OR7D4: variants seen among roughly 807,000 people sequenced by gnomAD.
OR7D4 encodes the protein olfactory receptor family 7 subfamily D member 4.
For missense variants in OR7D4, 319 were observed against 377.1 expected, an observed-to-expected ratio of 0.85 and a Z score of 1.27; for synonymous variants, 154 against 158.4, an observed-to-expected ratio of 0.97 and a Z score of 0.21.
intron 1 of OR7D4, among the ~76,000 whole-genome samples, chr19:9,217,364 T>A (rs1180165323): frequency 2.6e-5 from 4 of 152,044 alleles, no homozygotes; most frequent in Admixed American, 6.6e-5. Context: ...TGAAAAAAAA[T>A]TTGCATTTTT....
rs959442508 is a variant in OR7D4 at position 9,212,018 on chromosome 19, T to C, written c.*1881A>G. On this transcript the variant is annotated 3_prime_UTR_variant, in exon 2 of 2. Transcript: ENST00000641669. ...CTTCAATGGTCATTCACTTTTCTCC[T>C]CTTCTACTTTTATTTTTCTTTAAAA... 1.3e-5 allele frequency: 2 copies of C among 152,192 alleles called. No individual in the cohort carries two copies. The highest frequency in any genetic ancestry group is 4.8e-5 in the African/African-American group (2 of 41,458). 9.4% of individuals were successfully genotyped at this position (152,192 alleles called of 1,614,324 possible). A position where few individuals can be genotyped will look rare whatever the true frequency, so the allele number is the denominator to read the frequency against.
In OR7D4 at chr19:9,213,550, C is replaced by G. The variant is rs1467198030; in HGVS notation, c.*349G>C. 4.1e-6 allele frequency: 1 copy of G among 243,752 alleles called. No individual in the cohort carries two copies. The highest frequency in any genetic ancestry group is 8.0e-6 in the Non-Finnish European group (1 of 125,426). The allele number at this position is 243,752 out of a possible 1,614,324, so 15.1% of individuals were successfully genotyped here. Reference sequence around the variant, plus strand: ...GTCAGGAGTTCCAGACCAGCCTGAACAGTATGGTGGAACCCTGTCTCTACT... The same window carrying G: ...GTCAGGAGTTCCAGACCAGCCTGAAGAGTATGGTGGAACCCTGTCTCTACT... On this transcript the variant is annotated 3_prime_UTR_variant, in exon 2 of 2. Coordinates refer to ENST00000641669, the MANE Select transcript of OR7D4 (RefSeq NM_001005191.3).
In OR7D4 at chr19:9,210,689, C is replaced by CACACACACAT. The variant is rs1299966979; in HGVS notation, c.*3209_*3210insATGTGTGTGT. The CACACACACAT allele has an allele frequency of 7.3e-5, 11 of 150,664 alleles. No homozygotes were observed. The highest frequency in any genetic ancestry group is 2.7e-4 in the African/African-American group (11 of 41,270). 9.3% of individuals were successfully genotyped at this position (150,664 alleles called of 1,614,324 possible). ...TTAAAGAATTTACTAGGTGATCTCA[C>CACACACACAT]ACACACACACACACACACAACACAC... On this transcript the variant is annotated 3_prime_UTR_variant, in exon 2 of 2. Transcript: ENST00000641669.
rs747716273 is a variant in OR7D4 at position 9,213,864 on chromosome 19, G to C, written c.*35C>G. On this transcript the variant is annotated 3_prime_UTR_variant, in exon 2 of 2. Transcript: ENST00000641669. ...CCCACAACATTTGCCTTAGGGGTAC[G>C]CAGTGTGTCCTCTTAGTTCTGAGGC... The C allele has an allele frequency of 1.4e-6, 2 of 1,446,860 alleles. No homozygotes were observed. Among genetic ancestry groups the C allele is most frequent in the Non-Finnish European group, 1.9e-6 (2 of 1,034,118 alleles). 89.6% of individuals were successfully genotyped at this position (1,446,860 alleles called of 1,614,324 possible).
At chr19:9,215,337 G>A (rs573910724) in intron 1 of OR7D4, among the ~76,000 whole-genome samples, 14 of 62,998 alleles carry the variant, frequency 2.2e-4, no homozygotes, top group Middle Eastern at 0.028. Flanking sequence ...GTGAGACTCC[G>A]TCTCAAAAAA....
At position 9,214,298 on chromosome 19, in the gene OR7D4, T is replaced by A. The variant is rs903622825; in HGVS notation, c.540A>T (p.Glu180Asp). The change falls in exon 2 of 2, where the codon GAA becomes GAT. Residue 180 changes from glutamate to aspartate, a missense_variant. Coordinates refer to ENST00000641669, the MANE Select transcript of OR7D4 (RefSeq NM_001005191.3). Reference protein sequence around the residue: ...TGTEIPHFFCEPAQVLKVACS... With the variant: ...TGTEIPHFFCDPAQVLKVACS... ...AGGCCACCTTGAGGACCTGAGCCGGTTCACAGAAGAAATGCGGAATCTCAG... is the reference window on the plus strand; with the variant it reads ...AGGCCACCTTGAGGACCTGAGCCGGATCACAGAAGAAATGCGGAATCTCAG... 1.9e-6 allele frequency: 3 copies of A among 1,614,068 alleles called. No homozygotes were observed. The highest frequency in any genetic ancestry group is 2.7e-5 in the African/African-American group (2 of 75,006).
Position 9,210,616 on chromosome 19 carries a change from C to T in OR7D4, c.*3283G>A, listed in dbSNP as rs2051167128. On this transcript the variant is annotated 3_prime_UTR_variant, in exon 2 of 2. Transcript: ENST00000641669. The stretch of plus-strand genomic sequence containing the variant: ...AAAAACTCCATAACTTCCATACAAC[C>T]TATTTTATCTACTTGAATAAAGACA... The T allele has an allele frequency of 6.6e-6, 1 of 152,066 alleles. No homozygotes were observed. Among genetic ancestry groups the T allele is most frequent in the Admixed American group, 6.6e-5 (1 of 15,256 alleles). 9.4% of individuals were successfully genotyped at this position (152,066 alleles called of 1,614,324 possible).
chr19:9,214,737 A>C lies in OR7D4; in HGVS notation c.101T>G (p.Met34Arg). The C allele has an allele frequency of 1.2e-6, 2 of 1,614,086 alleles. No homozygotes were observed. Among genetic ancestry groups the C allele is most frequent in the Non-Finnish European group, 1.7e-6 (2 of 1,179,950 alleles). The change falls in exon 2 of 2, where the codon ATG becomes AGG. Residue 34 changes from methionine to arginine, a missense_variant. Physicochemically the swap from Met to Arg is moderately conservative, Grantham distance 91. Transcript: ENST00000641669. ...GTTCCCCAGCACCGTGACCAGGTAC[A>C]TGGACAGGAACAGCCCAAAGAGGAC... ...QPVLFGLFLS[M>R]YLVTVLGNLL...
Position 9,212,397 on chromosome 19 carries a change from A to G in OR7D4, c.*1502T>C, listed in dbSNP as rs1166864853. 1 of 152,214 alleles carries G rather than the reference A, an allele frequency of 6.6e-6. No homozygotes were observed. Among genetic ancestry groups the G allele is most frequent in the African/African-American group, 2.4e-5 (1 of 41,456 alleles). The allele number at this position is 152,214 out of a possible 1,614,324, so 9.4% of individuals were successfully genotyped here. On this transcript the variant is annotated 3_prime_UTR_variant, in exon 2 of 2. Transcript: ENST00000641669. ...AATAAACAGAAAATACTGGCTACCA[A>G]ATTTGCAGGATGCAAATTAGGATTA...
At chr19:9,217,602 T>C (rs1273475150) in intron 1 of OR7D4, among the ~76,000 whole-genome samples, 1 of 152,088 alleles carries the variant, frequency 6.6e-6, no homozygotes, top group African/African-American at 2.4e-5. Flanking sequence ...ATAGTGGTGC[T>C]ATCTCTGTTC....
intron 1 of OR7D4, among the ~76,000 whole-genome samples, chr19:9,216,221 C>T (rs8100858): frequency 0.14 from 20,556 of 152,178 alleles, 2,135 homozygotes; most frequent in African/African-American, 0.27. Flanking sequence ...TCATGAACTC[C>T]TGCCTCTGTG....
At position 9,219,505 on chromosome 19, in the gene OR7D4, T is replaced by C. The variant is rs2051240276; in HGVS notation, c.-319A>G. On this transcript the variant is annotated 5_prime_UTR_variant, in exon 1 of 2. Coordinates refer to ENST00000641669, the MANE Select transcript of OR7D4 (RefSeq NM_001005191.3). ...TTATTCTCTCTCCTCTTTTCCTTCTTACCCCACCAGCCCTCACTGGGTCAC... is the reference window on the plus strand; with the variant it reads ...TTATTCTCTCTCCTCTTTTCCTTCTCACCCCACCAGCCCTCACTGGGTCAC... The C allele has an allele frequency of 6.6e-6, 1 of 152,236 alleles. No individual in the cohort carries two copies. The highest frequency in any genetic ancestry group is 1.5e-5 in the Non-Finnish European group (1 of 68,070). 9.4% of individuals were successfully genotyped at this position (152,236 alleles called of 1,614,324 possible). A position where few individuals can be genotyped will look rare whatever the true frequency, so the allele number is the denominator to read the frequency against.
Position 9,213,689 on chromosome 19 carries a change from G to A in OR7D4, c.*210C>T. Reference sequence around the variant, plus strand: ...GGAGGTAGAGGTTGCAGTGAGCCAAGATTGCACCACTGCACTCTAGCCTGG... The same window carrying A: ...GGAGGTAGAGGTTGCAGTGAGCCAAAATTGCACCACTGCACTCTAGCCTGG... On this transcript the variant is annotated 3_prime_UTR_variant, in exon 2 of 2. Transcript: ENST00000641669. 1 of 541,768 alleles carries A rather than the reference G, an allele frequency of 1.8e-6. No individual in the cohort carries two copies. Among genetic ancestry groups the A allele is most frequent in the Non-Finnish European group, 3.3e-6 (1 of 303,610 alleles). 33.6% of individuals were successfully genotyped at this position (541,768 alleles called of 1,614,324 possible). A position where few individuals can be genotyped will look rare whatever the true frequency, so the allele number is the denominator to read the frequency against.
rs1225010468 is a variant in OR7D4, at chr19:9,213,271, T to C, written c.*628A>G. ...CTTGATATTGGGAGTGCCATACACA[T>C]CAAATTAGAAGTCTCAGAAAGAGTG... On this transcript the variant is annotated 3_prime_UTR_variant, in exon 2 of 2. Coordinates refer to ENST00000641669, the MANE Select transcript of OR7D4 (RefSeq NM_001005191.3). 1 of 152,114 alleles carries C rather than the reference T, an allele frequency of 6.6e-6. No homozygotes were observed. Among genetic ancestry groups the C allele is most frequent in the Non-Finnish European group, 1.5e-5 (1 of 68,168 alleles). The allele number at this position is 152,114 out of a possible 1,614,324, so 9.4% of individuals were successfully genotyped here.
chr19:9,214,809 G>T lies in OR7D4; in HGVS notation c.29C>A (p.Ser10Ter). The T allele has an allele frequency of 1.9e-6, 3 of 1,609,426 alleles. No homozygotes were observed. Among genetic ancestry groups the T allele is most frequent in the Non-Finnish European group, 2.5e-6 (3 of 1,177,912 alleles). Reference sequence around the variant, plus strand: ...TGAGAGTCCCAGGAGGAGAAATTTTGATAATTCTGTAAGGTTTTCTGCTTC... The same window carrying T: ...TGAGAGTCCCAGGAGGAGAAATTTTTATAATTCTGTAAGGTTTTCTGCTTC... Reference protein sequence around the residue: MEAENLTELSKFLLLGLSDD... With the variant: MEAENLTEL The change falls in exon 2 of 2, where the codon TCA becomes TAA. Residue 10 changes from serine to a stop codon, truncating the protein, a stop_gained. Transcript: ENST00000641669. LOFTEE classifies it low-confidence loss of function (END_TRUNC).
At chr19:9,217,603 A>G (rs1215156810) in intron 1 of OR7D4, among the ~76,000 whole-genome samples, 3 of 152,238 alleles carry the variant, frequency 2.0e-5, no homozygotes, top group Non-Finnish European at 2.9e-5. Context: ...TAGTGGTGCT[A>G]TCTCTGTTCA....
chr19:9,216,008 A>G (rs1199542656), intron 1 of OR7D4, among the ~76,000 whole-genome samples: 1 of 152,184 alleles, frequency 6.6e-6, no homozygotes, highest in Non-Finnish European at 1.5e-5. Context: ...CACATCTTAC[A>G]TGGATGGTGG....
intron 1 of OR7D4, among the ~76,000 whole-genome samples, chr19:9,215,119 C>A (rs564034055): frequency 3.5e-4 from 53 of 152,100 alleles, no homozygotes; most frequent in African/African-American, 1.2e-3. Flanking sequence ...ACAAGGTGGG[C>A]AGATCACGAG....
At position 9,211,635 on chromosome 19, in the gene OR7D4, G is replaced by C. The variant is rs2051172937; in HGVS notation, c.*2264C>G. On this transcript the variant is annotated 3_prime_UTR_variant, in exon 2 of 2. Transcript: ENST00000641669. ...CGAGGCGGGTGGATCACGAGGTCAG[G>C]AGTTTGAGACCAGCCTGGCCAGCAT... 6.6e-6 allele frequency: 1 copy of C among 152,030 alleles called. No individual in the cohort carries two copies. The highest frequency in any genetic ancestry group is 6.6e-5 in the Admixed American group (1 of 15,240). 9.4% of individuals were successfully genotyped at this position (152,030 alleles called of 1,614,324 possible).
Sources: gnomAD v4.1 joint callset for allele counts (sites outside exome capture counted in the v4.1 genomes callset) on GRCh38, gnomAD v4.1.1 for gene constraint, MANE v1.5 for transcripts, NCBI Gene and HGNC (gene_info 2026-07-23, HGNC 2026-07-21) for gene names.